The following ARID1B variants were observed in gnomAD, a reference collection of about 807,000 sequenced individuals.
ARID1B encodes the protein AT-rich interactive domain-containing protein 1B.
A neutral mutation model predicts 212.3 loss-of-function variants in ARID1B; 30 were observed. The observed-to-expected ratio is 0.14, with a 90% CI of 0.11 to 0.19. The LOEUF is 0.19. Ranked by LOEUF, ARID1B falls within the 10% of genes least tolerant of loss-of-function variation. ARID1B has a pLI of 1.00. For synonymous variants in ARID1B, 1,402 were observed against 1,301.7 expected (o/e 1.08, Z -1.66); for missense variants, 2,891 against 3,204.0 (o/e 0.90, Z 2.36).
intron 1 of ARID1B, among the ~76,000 whole-genome samples, chr6:156,821,027 G>C (rs189928576): frequency 2.0e-5 from 3 of 152,198 alleles, no homozygotes; most frequent in Non-Finnish European, 4.4e-5. Flanking sequence ...GAAGACTTGG[G>C]TGAAATAGTA....
At chr6:156,982,014 C>T (rs1303370020) in intron 4 of ARID1B, among the ~76,000 whole-genome samples, 2 of 151,710 alleles carry the variant, frequency 1.3e-5, no homozygotes, top group Non-Finnish European at 2.9e-5. Context: ...ACAGCCATCT[C>T]CTGGGATGTC....
intron 4 of ARID1B, among the ~76,000 whole-genome samples, chr6:157,053,548 C>T (rs778196450): frequency 6.6e-6 from 1 of 152,200 alleles, no homozygotes; most frequent in African/African-American, 2.4e-5. Context: ...ATTTCAGCTT[C>T]CTACTAGGCA....
chr6:156,970,327 C>T (rs989962868), intron 4 of ARID1B, among the ~76,000 whole-genome samples: 7 of 152,306 alleles, frequency 4.6e-5, no homozygotes, highest in Admixed American at 1.3e-4. Context: ...AAGTGATCCA[C>T]CTGCCTCGGC....
chr6:156,974,116 TG>T (rs753391671), intron 4 of ARID1B, among the ~76,000 whole-genome samples: 8 of 152,232 alleles, frequency 5.3e-5, no homozygotes, highest in Non-Finnish European at 1.2e-4. Context: ...AGTTTAGTTT[TG>T]GATTTTGAGT....
chr6:157,154,580 G>T (rs150716260), intron 8 of ARID1B, among the ~76,000 whole-genome samples: 6,460 of 110,614 alleles, frequency 0.058, 96 homozygotes, highest in Middle Eastern at 0.086. Context: ...TTTTTTTTTT[G>T]TTTTTTTTTT....
intron 7 of ARID1B, among the ~76,000 whole-genome samples, chr6:157,147,227 A>ACCCCCG (rs1239946006): frequency 0.06 from 12 of 200 alleles, 2 homozygotes; most frequent in Admixed American, 0.12. Context: ...TCCGTCCCTC[A>ACCCCCG]CCTCCGACCC....
chr6:157,186,976 A>G (rs1210571696), intron 13 of ARID1B, among the ~76,000 whole-genome samples: 1 of 152,212 alleles, frequency 6.6e-6, no homozygotes, highest in Non-Finnish European at 1.5e-5. Flanking sequence ...CACCCCACAT[A>G]TCACTGCCAA....
At chr6:156,824,518 A>T (rs1473563111) in intron 1 of ARID1B, among the ~76,000 whole-genome samples, 1 of 152,226 alleles carries the variant, frequency 6.6e-6, no homozygotes, top group South Asian at 2.1e-4. Context: ...TAATCCCAGC[A>T]CTTTGGGAGG....
At chr6:157,001,932 C>T (rs1205605288) in intron 4 of ARID1B, among the ~76,000 whole-genome samples, 1 of 152,194 alleles carries the variant, frequency 6.6e-6, no homozygotes, top group Non-Finnish European at 1.5e-5. Context: ...GGGCTCCCCA[C>T]GCTGCTCGTT....
chr6:156,969,402 C>T (rs1323274109), intron 4 of ARID1B, among the ~76,000 whole-genome samples: 1 of 152,150 alleles, frequency 6.6e-6, no homozygotes, highest in African/African-American at 2.4e-5. Context: ...ACTGCAGGCT[C>T]TCCCCATGAG....
At chr6:157,001,248 A>G (rs1261245302) in intron 4 of ARID1B, among the ~76,000 whole-genome samples, 1 of 152,178 alleles carries the variant, frequency 6.6e-6, no homozygotes, top group African/African-American at 2.4e-5. Flanking sequence ...CCAGATTGAA[A>G]TGGTCTCATT....
chr6:157,028,864 A>G (rs147828237), intron 4 of ARID1B, among the ~76,000 whole-genome samples: 1 of 152,228 alleles, frequency 6.6e-6, no homozygotes, highest in African/African-American at 2.4e-5. Flanking sequence ...TATTCTTACC[A>G]TCCACTGTGT....
intron 4 of ARID1B, among the ~76,000 whole-genome samples, chr6:156,946,699 G>A (rs1045915455): frequency 6.6e-6 from 1 of 152,066 alleles, no homozygotes; most frequent in African/African-American, 2.4e-5. Context: ...TGGAATAGAG[G>A]GAGGGAGGGA....
chr6:156,913,181 AG>A (rs1197049507), intron 3 of ARID1B, among the ~76,000 whole-genome samples: 1 of 151,088 alleles, frequency 6.6e-6, no homozygotes, highest in Non-Finnish European at 1.5e-5. Flanking sequence ...TTTTCGTGGT[AG>A]GAACGCTTTA....
At chr6:156,801,470 A>G (rs1780783372) in intron 1 of ARID1B, among the ~76,000 whole-genome samples, 1 of 152,112 alleles carries the variant, frequency 6.6e-6, no homozygotes, top group Non-Finnish European at 1.5e-5. Flanking sequence ...AAGTGCTGGG[A>G]TTACAGGTGT....
intron 8 of ARID1B, among the ~76,000 whole-genome samples, chr6:157,158,484 G>A (rs1790709925): frequency 6.6e-6 from 1 of 152,238 alleles, no homozygotes; most frequent in Non-Finnish European, 1.5e-5. Context: ...AGCCCATTAA[G>A]GCATGAGAGT....
chr6:156,876,142 T>C (rs1786529613), intron 2 of ARID1B, among the ~76,000 whole-genome samples: 3 of 152,238 alleles, frequency 2.0e-5, no homozygotes, highest in African/African-American at 7.2e-5. Flanking sequence ...TACCAGGCAC[T>C]GAACAGAATT....
chr6:157,199,261 A>G (rs947101562), intron 17 of ARID1B, among the ~76,000 whole-genome samples: 1 of 152,246 alleles, frequency 6.6e-6, no homozygotes, highest in African/African-American at 2.4e-5. Context: ...AAATTTGTCA[A>G]TGCTTTAAGG....
chr6:156,898,812 A>G (rs1788695689), intron 2 of ARID1B, among the ~76,000 whole-genome samples: 1 of 152,130 alleles, frequency 6.6e-6, no homozygotes, highest in Admixed American at 6.5e-5. Context: ...TCTCTACTAA[A>G]AACACAAAAT....
Sources: gnomAD v4.1 joint callset for allele counts (sites outside exome capture counted in the v4.1 genomes callset) on GRCh38, gnomAD v4.1.1 for gene constraint, MANE v1.5 for transcripts, NCBI Gene and HGNC (gene_info 2026-07-23, HGNC 2026-07-21) for gene names.